Variants in CHCHD3 observed in about 807,000 individuals in gnomAD.
CHCHD3 encodes the protein coiled-coil-helix-coiled-coil-helix domain containing 3.
A neutral mutation model predicts 38.2 loss-of-function variants in CHCHD3; 20 were observed. That is an observed-to-expected ratio of 0.52 (90% CI 0.37 to 0.76). The LOEUF (loss-of-function observed/expected upper bound fraction) is 0.76, where lower values mean the gene tolerates loss of function less well. CHCHD3 is among the 30% of genes least tolerant of loss of function. The pLI, the probability that CHCHD3 is intolerant of heterozygous loss-of-function variation, is 0.00. For missense variants in CHCHD3, 245 were observed against 279.2 expected (o/e 0.88, Z 0.87); for synonymous variants, 82 against 100.0 (o/e 0.82, Z 1.07).
chr7:132,805,503 AG>A (rs1164893503), intron 6 of CHCHD3, among the ~76,000 whole-genome samples: 2 of 152,040 alleles, frequency 1.3e-5, no homozygotes, highest in Non-Finnish European at 1.5e-5. Context: ...GAGGGTTGGA[AG>A]GGTTGGGTAG....
chr7:132,962,595 T>C (rs1465218363), intron 4 of CHCHD3, among the ~76,000 whole-genome samples: 2 of 152,226 alleles, frequency 1.3e-5, no homozygotes, highest in Non-Finnish European at 2.9e-5. Context: ...TTTTTAATGA[T>C]GCAAGTTGGA....
chr7:132,978,629 AAAC>A (rs1324484738), intron 3 of CHCHD3, among the ~76,000 whole-genome samples: 1 of 152,226 alleles, frequency 6.6e-6, no homozygotes, highest in East Asian at 1.9e-4. Flanking sequence ...GGTATATAAG[AAAC>A]AACTAACGAG....
chr7:132,891,596 T>C (rs1303911238), intron 4 of CHCHD3, among the ~76,000 whole-genome samples: 1 of 152,088 alleles, frequency 6.6e-6, no homozygotes, highest in East Asian at 1.9e-4. Context: ...AGAGCCCTGA[T>C]CGACATTTTA....
At chr7:132,903,699 T>C (rs1451466869) in intron 4 of CHCHD3, among the ~76,000 whole-genome samples, 1 of 152,242 alleles carries the variant, frequency 6.6e-6, no homozygotes, top group East Asian at 1.9e-4. Flanking sequence ...CTTATGGCTA[T>C]AGTTATTGTT....
chr7:133,024,597 G>A lies in CHCHD3; in HGVS notation c.200C>T (p.Ala67Val), dbSNP rs1813282970. ...GGCTTGCTCCAATGCCAGCTCCTCA[G>A]CTACTCTTCTTTTCAATTCTTCATC... ...VSDEELKRRVAEELALEQAKK... is the reference protein window; with the variant it reads ...VSDEELKRRVVEELALEQAKK... Residue 67 changes from alanine (A) to valine (V), a missense_variant, in exon 3 of 8, where the codon GCT becomes GTT. Ala to Val is a moderately conservative substitution (Grantham distance 64). Coordinates refer to ENST00000262570, the MANE Select transcript of CHCHD3 (RefSeq NM_017812.4). 1.2e-6 allele frequency: 2 copies of A among 1,613,582 alleles called. No individual in the cohort carries two copies. Among genetic ancestry groups the A allele is most frequent in the Non-Finnish European group, 1.7e-6 (2 of 1,179,550 alleles).
chr7:133,023,582 T>C (rs916489360), intron 3 of CHCHD3, among the ~76,000 whole-genome samples: 4 of 152,184 alleles, frequency 2.6e-5, no homozygotes, highest in African/African-American at 9.7e-5. Context: ...TAAAAAGACA[T>C]TCACATGATC....
intron 4 of CHCHD3, among the ~76,000 whole-genome samples, chr7:132,904,345 G>C (rs907378162): frequency 2.6e-5 from 4 of 151,942 alleles, no homozygotes; most frequent in African/African-American, 7.3e-5. Context: ...GCCCTTAGAA[G>C]TTAAAGACAC....
chr7:132,914,257 G>A (rs908063161), intron 4 of CHCHD3, among the ~76,000 whole-genome samples: 1 of 151,900 alleles, frequency 6.6e-6, no homozygotes, highest in African/African-American at 2.4e-5. Flanking sequence ...CAAAGTGCCG[G>A]GATTACAGGC....
rs539336118 is a variant in CHCHD3, at chr7:132,846,209, C to T, written c.454-7740G>A. Among the ~76,000 whole-genome samples the T allele has an allele frequency of 1.1e-4, 16 of 152,296 alleles. No homozygotes were observed. The South Asian group carries it at 2.3e-3, about 22-fold the overall frequency. The stretch of plus-strand genomic sequence containing the variant: ...GTGTCTTGCTCTGGGCACCAGAATA[C>T]GACAACAGTGATGGTGTACCAGTTT... On this transcript the variant is annotated intron_variant, in intron 5 of 7. Coordinates refer to ENST00000262570, the MANE Select transcript of CHCHD3 (RefSeq NM_017812.4).
At chr7:132,918,320 C>G (rs1458759099) in intron 4 of CHCHD3, among the ~76,000 whole-genome samples, 2 of 152,124 alleles carry the variant, frequency 1.3e-5, no homozygotes, top group Non-Finnish European at 2.9e-5. Flanking sequence ...TTAGATTCCC[C>G]ATCAGTAAAA....
chr7:132,872,085 G>C (rs1808780529), intron 5 of CHCHD3, among the ~76,000 whole-genome samples: 1 of 152,184 alleles, frequency 6.6e-6, no homozygotes, highest in African/African-American at 2.4e-5. Flanking sequence ...CGGCTGGCTT[G>C]AGGGTAGTTA....
chr7:132,879,478 T>C (rs1389077520), intron 5 of CHCHD3, among the ~76,000 whole-genome samples: 3 of 151,990 alleles, frequency 2.0e-5, no homozygotes, highest in Admixed American at 6.6e-5. Context: ...AAGTTATACA[T>C]GCAAAACACA....
At chr7:133,053,381 C>T (rs1214242418) in intron 2 of CHCHD3, among the ~76,000 whole-genome samples, 5 of 152,166 alleles carry the variant, frequency 3.3e-5, no homozygotes, top group African/African-American at 1.2e-4. Flanking sequence ...CCCACCAAAT[C>T]CTGACGCCTC....
intron 4 of CHCHD3, among the ~76,000 whole-genome samples, chr7:132,897,031 TC>T (rs2117194492): frequency 6.6e-6 from 1 of 152,330 alleles, no homozygotes; most frequent in East Asian, 1.9e-4. Context: ...AGCAGGGTGG[TC>T]TCAACTCTAA....
intron 4 of CHCHD3, among the ~76,000 whole-genome samples, chr7:132,898,616 C>G (rs1809573599): frequency 1.3e-5 from 2 of 152,252 alleles, no homozygotes; most frequent in South Asian, 4.1e-4. Context: ...CACTCCTCAG[C>G]CCTTGGGTGG....
intron 3 of CHCHD3, among the ~76,000 whole-genome samples, chr7:133,011,935 GATTA>G (rs1481631048): frequency 6.6e-6 from 1 of 152,132 alleles, no homozygotes; most frequent in Admixed American, 6.5e-5. Flanking sequence ...ATGGTTGATT[GATTA>G]ATTGAGACAG....
At chr7:133,008,260 G>A (rs536584702) in intron 3 of CHCHD3, among the ~76,000 whole-genome samples, 7 of 151,956 alleles carry the variant, frequency 4.6e-5, no homozygotes, top group Admixed American at 1.3e-4. Flanking sequence ...CCTATTCTTC[G>A]ACATTTTGCC....
chr7:132,936,193 C>T (rs549232374), intron 4 of CHCHD3, among the ~76,000 whole-genome samples: 5 of 152,194 alleles, frequency 3.3e-5, no homozygotes, highest in East Asian at 3.9e-4. Flanking sequence ...AGTAAGCACC[C>T]GATAAATGAC....
At chr7:132,931,753 T>C (rs985877640) in intron 4 of CHCHD3, among the ~76,000 whole-genome samples, 5 of 152,208 alleles carry the variant, frequency 3.3e-5, no homozygotes, top group African/African-American at 1.2e-4. Flanking sequence ...ACACTCTGAC[T>C]GACCAGTGTA....
Sources: gnomAD v4.1 joint callset for allele counts (sites outside exome capture counted in the v4.1 genomes callset) on GRCh38, gnomAD v4.1.1 for gene constraint, MANE v1.5 for transcripts, NCBI Gene and HGNC (gene_info 2026-07-23, HGNC 2026-07-21) for gene names.